FHIP1A: variants seen among roughly 807,000 people sequenced by gnomAD.
The protein encoded by FHIP1A is FHF complex subunit HOOK interacting protein 1A.
Under a neutral mutation model 88.6 loss-of-function variants are expected in FHIP1A, and 61 were observed. The ratio of observed to expected loss-of-function variants is 0.69; its 90% confidence interval spans 0.56 to 0.85. The LOEUF (loss-of-function observed/expected upper bound fraction) is 0.85. Among genes scored for constraint, FHIP1A ranks in the 40% least tolerant of loss-of-function variants. The pLI is 0.00. For missense variants in FHIP1A, 1,154 were observed against 1,273.5 expected (o/e 0.91, Z 1.43); for synonymous variants, 478 against 496.0 (o/e 0.96, Z 0.48).
At chr4:151,525,936 G>T (rs1036202635) in intron 3 of FHIP1A, among the ~76,000 whole-genome samples, 1 of 151,942 alleles carries the variant, frequency 6.6e-6, no homozygotes, top group East Asian at 1.9e-4. Flanking sequence ...CTGGGTACTT[G>T]AGATTAGGGA....
intron 2 of FHIP1A, among the ~76,000 whole-genome samples, chr4:151,459,378 G>T (rs557768460): frequency 6.6e-6 from 1 of 152,098 alleles, no homozygotes; most frequent in African/African-American, 2.4e-5. Flanking sequence ...AACCTAATAC[G>T]TCTCAAAGTG....
At chr4:151,480,226 G>A (rs1561513931) in intron 2 of FHIP1A, among the ~76,000 whole-genome samples, 1 of 152,024 alleles carries the variant, frequency 6.6e-6, no homozygotes, top group African/African-American at 2.4e-5. Context: ...GTTGCTGCTG[G>A]CGGGATCATG....
At chr4:151,487,969 CTT>C (rs1424483627) in intron 3 of FHIP1A, among the ~76,000 whole-genome samples, 1 of 152,166 alleles carries the variant, frequency 6.6e-6, no homozygotes, top group African/African-American at 2.4e-5. Context: ...GCTTGGGACT[CTT>C]GAGTTCACCT....
chr4:151,613,197 G>A (rs933444637), intron 7 of FHIP1A, among the ~76,000 whole-genome samples: 1 of 152,174 alleles, frequency 6.6e-6, no homozygotes, highest in African/African-American at 2.4e-5. Context: ...TCCTAGTTGG[G>A]AATTAGTCAA....
At chr4:151,430,125 T>C (rs185784013) in intron 1 of FHIP1A, among the ~76,000 whole-genome samples, 15 of 152,328 alleles carry the variant, frequency 9.8e-5, no homozygotes, top group African/African-American at 3.6e-4. Flanking sequence ...TTAAAATCTT[T>C]CACAAAGCCT....
rs567579044 is a variant in FHIP1A, at chr4:151,527,489, G to A, written c.-122-38649G>A. ...GATGGCAGCAGTACCGTCCAGCTTC[G>A]GCTCGGCATCAGAGGGAGACCGTTT... On this transcript the variant is annotated intron_variant, in intron 3 of 13. Coordinates refer to ENST00000435205, the MANE Select transcript of FHIP1A (RefSeq NM_001109977.3). Among the ~76,000 whole-genome samples, 7 of 152,268 alleles carry A rather than the reference G, an allele frequency of 4.6e-5. No homozygotes were observed. In the South Asian group the frequency reaches 1.0e-3, roughly 23 times the overall value.
At chr4:151,642,916 ATATTT>A (rs1736644723) in intron 9 of FHIP1A, among the ~76,000 whole-genome samples, 2 of 149,562 alleles carry the variant, frequency 1.3e-5, no homozygotes, top group Non-Finnish European at 3.0e-5. Flanking sequence ...TATATGATAC[ATATTT>A]TATTTATATA....
At chr4:151,524,251 A>C (rs1407098598) in intron 3 of FHIP1A, among the ~76,000 whole-genome samples, 1 of 151,894 alleles carries the variant, frequency 6.6e-6, no homozygotes, top group East Asian at 1.9e-4. Flanking sequence ...GCAGTGAGCC[A>C]AGATTGTGCC....
Position 151,465,971 on chromosome 4 carries a change from A to T in FHIP1A, c.-248+11163A>T, listed in dbSNP as rs1016368698. On this transcript the variant is annotated intron_variant, in intron 2 of 13. Transcript: ENST00000435205. ...CTTTGAAAACTGGCACATGACAAGG[A>T]TGGCCTCTCTCACCACTCCTATTCA... 7.9e-5 allele frequency among the ~76,000 whole-genome samples: 12 copies of T among 152,284 alleles called. No homozygotes were observed. In the East Asian group the frequency reaches 2.3e-3, roughly 29 times the overall value.
chr4:151,476,618 T>G, intron 2 of FHIP1A, among the ~76,000 whole-genome samples: 1 of 152,212 alleles, frequency 6.6e-6, no homozygotes, highest in East Asian at 1.9e-4. Flanking sequence ...TCACTAATTG[T>G]TAATGGTATT....
At chr4:151,566,695 T>C (rs1733401552) in intron 4 of FHIP1A, among the ~76,000 whole-genome samples, 1 of 152,222 alleles carries the variant, frequency 6.6e-6, no homozygotes, top group African/African-American at 2.4e-5. Flanking sequence ...CTCTCTTCCC[T>C]GCTGATTTCC....
intron 2 of FHIP1A, among the ~76,000 whole-genome samples, chr4:151,466,500 C>T (rs1420366823): frequency 6.6e-6 from 1 of 152,058 alleles, no homozygotes; most frequent in Non-Finnish European, 1.5e-5. Context: ...CATATGGAAC[C>T]AAAAATGAGC....
intron 3 of FHIP1A, among the ~76,000 whole-genome samples, chr4:151,558,990 T>C (rs1733065888): frequency 6.6e-6 from 1 of 152,250 alleles, no homozygotes; most frequent in Admixed American, 6.5e-5. Flanking sequence ...ATTTTCCTGA[T>C]ATGTTATTTT....
At chr4:151,600,692 G>A (rs1330548108) in intron 7 of FHIP1A, among the ~76,000 whole-genome samples, 1 of 152,164 alleles carries the variant, frequency 6.6e-6, no homozygotes, top group African/African-American at 2.4e-5. Flanking sequence ...GCCTGAACAG[G>A]TTGGGGCTGA....
At position 151,666,156 on chromosome 4, in the gene FHIP1A, A is replaced by T. The variant is rs1737657968; in HGVS notation, c.*3402A>T. Among the ~76,000 whole-genome samples, 1 of 152,260 alleles carries T rather than the reference A, an allele frequency of 6.6e-6. No individual in the cohort carries two copies. The highest frequency in any genetic ancestry group is 2.4e-5 in the African/African-American group (1 of 41,482). ...GGAAATGGCCAAGTAAATGTTTTTT[A>T]AAATTTTACACAAAGAAATTCCAAC... On this transcript the variant is annotated 3_prime_UTR_variant, in exon 14 of 14. Coordinates refer to ENST00000435205, the MANE Select transcript of FHIP1A (RefSeq NM_001109977.3).
intron 2 of FHIP1A, among the ~76,000 whole-genome samples, chr4:151,470,558 T>C (rs1729472657): frequency 6.6e-6 from 1 of 152,160 alleles, no homozygotes; most frequent in Admixed American, 6.5e-5. Context: ...AGAGGTTTGA[T>C]TGTGACAGTG....
At chr4:151,484,238 AC>A (rs376158089) in intron 3 of FHIP1A, among the ~76,000 whole-genome samples, 1 of 152,322 alleles carries the variant, frequency 6.6e-6, no homozygotes, top group Non-Finnish European at 1.5e-5. Flanking sequence ...GTCGTTTACA[AC>A]CATTCACCTG....
In FHIP1A at chr4:151,662,701, C is replaced by T. The variant is rs1737512089; in HGVS notation, c.3070C>T (p.His1024Tyr). 3.2e-6 allele frequency: 5 copies of T among 1,550,662 alleles called. No homozygotes were observed. Among genetic ancestry groups the T allele is most frequent in the Non-Finnish European group, 4.4e-6 (5 of 1,146,586 alleles). ...LKELAALAQE[H>Y]SILCYKILGD... ...GGAGCTGGCGGCCTTGGCCCAGGAACACTCCATTCTGTGCTACAAGATCTT... is the reference window on the plus strand; with the variant it reads ...GGAGCTGGCGGCCTTGGCCCAGGAATACTCCATTCTGTGCTACAAGATCTT... The change falls in exon 14 of 14, where the codon CAC (histidine) becomes TAC (tyrosine). Residue 1024 changes from histidine to tyrosine, a missense_variant. His to Tyr is a moderately conservative substitution (Grantham distance 83). Transcript: ENST00000435205.
chr4:151,452,113 G>A (rs891902148), intron 1 of FHIP1A, among the ~76,000 whole-genome samples: 2 of 152,106 alleles, frequency 1.3e-5, no homozygotes, highest in African/African-American at 4.8e-5. Context: ...GAGCCACCAC[G>A]CCTGGCTACA....
Sources: gnomAD v4.1 joint callset for allele counts (sites outside exome capture counted in the v4.1 genomes callset) on GRCh38, gnomAD v4.1.1 for gene constraint, MANE v1.5 for transcripts, NCBI Gene and HGNC (gene_info 2026-07-23, HGNC 2026-07-21) for gene names.